The following PURG variants were observed in gnomAD, a reference collection of about 807,000 sequenced individuals.
PURG encodes purine-rich element-binding protein gamma.
PURG carries 3 observed loss-of-function variants against 24.3 expected under a neutral mutation model. The ratio of observed to expected loss-of-function variants is 0.12; its 90% CI spans 0.06 to 0.32. PURG has a LOEUF of 0.32. Ranked by LOEUF, PURG falls within the 10% of genes least tolerant of loss-of-function variation. The pLI, the probability that PURG is intolerant of heterozygous loss-of-function variation, is 1.00. For synonymous variants in PURG, 180 were observed against 173.1 expected (o/e 1.04, Z -0.31); for missense variants, 371 against 439.1 (o/e 0.84, Z 1.39).
At position 31,032,755 on chromosome 8, in the gene PURG, C is replaced by G. The variant is rs1238087918; in HGVS notation, c.28G>C (p.Gly10Arg). Reference protein sequence around the residue: MERARRRGGGGGRGRGGKNV... With the variant: MERARRRGGRGGRGRGGKNV... ...TTGCCTCCGCGGCCGCGGCCGCCGC[C>G]GCCTCCCCTTCGCCTGGCTCTTTCC... The change falls in exon 2 of 2, where the codon GGC (glycine) becomes CGC (arginine). Residue 10 changes from glycine (G) to arginine (R), a missense_variant. Around this residue, in one of 5 missense-constraint regions of PURG, gnomAD observed 213 missense variants for 230.6 expected, o/e 0.92. Coordinates refer to ENST00000523392, the MANE Select transcript of PURG (RefSeq NM_001323311.2). The surrounding 1 kb of genome is among the most constrained non-coding windows in gnomAD (Gnocchi z 5.9). 1 of 1,434,996 alleles carries G rather than the reference C, an allele frequency of 7.0e-7. No individual in the cohort carries two copies. 88.9% of individuals were successfully genotyped at this position (1,434,996 alleles called of 1,614,324 possible).
intron 1 of PURG, among the ~76,000 whole-genome samples, chr8:31,006,147 G>C (rs1276152986): frequency 6.6e-6 from 1 of 152,144 alleles, no homozygotes; most frequent in African/African-American, 2.4e-5. Context: ...AATAGCCAAT[G>C]AATTCCCAGT....
rs1398918512 is a variant in PURG, at chr8:31,031,672, G to A, written c.*67C>T. ...AAAAAGAGGAAAAACTTCTTCAAAG[G>A]ATAATGGATCAGTACTTTTAGCCAA... is the stretch of plus-strand genomic sequence containing the variant. On this transcript the variant is annotated 3_prime_UTR_variant, in exon 2 of 2. Transcript: ENST00000523392. The A allele has an allele frequency of 5.6e-6, 8 of 1,421,308 alleles. No homozygotes were observed. The highest frequency in any genetic ancestry group is 1.4e-5 in the African/African-American group (1 of 69,090). The allele number at this position is 1,421,308 out of a possible 1,614,324, so 88.0% of individuals were successfully genotyped here.
At chr8:30,999,953 A>T (rs936578516) in intron 1 of PURG, among the ~76,000 whole-genome samples, 1 of 144,408 alleles carries the variant, frequency 6.9e-6, no homozygotes, top group African/African-American at 2.6e-5. Flanking sequence ...CAATGTACAT[A>T]AGTCGTATGT....
At chr8:31,005,997 A>G (rs1050703821) in intron 1 of PURG, among the ~76,000 whole-genome samples, 13 of 152,072 alleles carry the variant, frequency 8.5e-5, no homozygotes, top group African/African-American at 3.1e-4. Flanking sequence ...TTGGTGCACA[A>G]TCAAGTGTAT....
intron 1 of PURG, among the ~76,000 whole-genome samples, chr8:31,011,792 C>A (rs1364021288): frequency 6.6e-6 from 1 of 152,138 alleles, no homozygotes; most frequent in Non-Finnish European, 1.5e-5. Context: ...GACCCTAGCA[C>A]AGAACCTGGC....
chr8:31,004,176 A>G (rs1439274288), intron 1 of PURG, among the ~76,000 whole-genome samples: 2 of 152,268 alleles, frequency 1.3e-5, no homozygotes, highest in African/African-American at 4.8e-5. Context: ...TTTCAAAAGA[A>G]GAAAAATGCA....
chr8:31,012,568 G>A (rs1290415243), intron 1 of PURG, among the ~76,000 whole-genome samples: 1 of 152,184 alleles, frequency 6.6e-6, no homozygotes, highest in Non-Finnish European at 1.5e-5. Context: ...AAGAAAATGA[G>A]AAAAGGCCAA....
chr8:31,013,991 T>G (rs1810809624), intron 1 of PURG, among the ~76,000 whole-genome samples: 1 of 152,174 alleles, frequency 6.6e-6, no homozygotes, highest in Non-Finnish European at 1.5e-5. Context: ...CACTAAATCT[T>G]TTCAACTCAA....
At chr8:30,997,546 C>T (rs746723757) in intron 1 of PURG, among the ~76,000 whole-genome samples, 2 of 151,524 alleles carry the variant, frequency 1.3e-5, no homozygotes, top group East Asian at 1.9e-4. Context: ...TGAAACTGCA[C>T]GTACATTTAG....
At chr8:31,017,276 C>T (rs1303434460) in intron 1 of PURG, among the ~76,000 whole-genome samples, 1 of 151,986 alleles carries the variant, frequency 6.6e-6, no homozygotes, top group African/African-American at 2.4e-5. Context: ...ACTACTTCTC[C>T]AGGGACAAGA....
intron 1 of PURG, among the ~76,000 whole-genome samples, chr8:31,016,774 A>G (rs533829556): frequency 1.5e-4 from 23 of 152,098 alleles, no homozygotes; most frequent in African/African-American, 5.1e-4. Context: ...TTTTTATTTA[A>G]TACACCTGCA....
downstream of PURG, among the ~76,000 whole-genome samples, chr8:31,028,093 A>G (rs2129845277): frequency 6.6e-6 from 1 of 151,918 alleles, no homozygotes; most frequent in Admixed American, 6.6e-5. Context: ...TTTTGTCTAG[A>G]CAAATTCCCC....
At chr8:31,019,962 G>C (rs1321174204) in intron 1 of PURG, among the ~76,000 whole-genome samples, 1 of 151,892 alleles carries the variant, frequency 6.6e-6, no homozygotes, top group Non-Finnish European at 1.5e-5. Flanking sequence ...CCTGAGGTCA[G>C]GAGTTCGAGA....
In PURG at chr8:31,031,521, A is replaced by C. The variant is rs1811202290; in HGVS notation, c.*218T>G. On this transcript the variant is annotated 3_prime_UTR_variant, in exon 2 of 2. Transcript: ENST00000523392. The stretch of plus-strand genomic sequence containing the variant: ...ATAGTCTGGAGCAGTTGAAGCAGCT[A>C]AACTATTTAGCTCTGGGAAGGTTGG... 7.1e-6 allele frequency: 4 copies of C among 563,936 alleles called. No homozygotes were observed. The highest frequency in any genetic ancestry group is 3.7e-5 in the African/African-American group (2 of 53,456). 34.9% of individuals were successfully genotyped at this position (563,936 alleles called of 1,614,324 possible).
At chr8:31,021,266 T>C (rs1301815427) in intron 1 of PURG, among the ~76,000 whole-genome samples, 1 of 152,234 alleles carries the variant, frequency 6.6e-6, no homozygotes, top group East Asian at 1.9e-4. Flanking sequence ...CAGTTGTTTT[T>C]GGTTCATGAA....
intron 1 of PURG, among the ~76,000 whole-genome samples, chr8:30,998,831 T>C (rs896096990): frequency 1.3e-5 from 2 of 151,834 alleles, no homozygotes; most frequent in Non-Finnish European, 3.0e-5. Context: ...CTGCTATCTT[T>C]ACATTTAAAA....
chr8:31,030,159 A>C (rs143420158), downstream of PURG, among the ~76,000 whole-genome samples: 19 of 152,126 alleles, frequency 1.2e-4, no homozygotes, highest in East Asian at 3.7e-3. Flanking sequence ...AAAACTCTGG[A>C]AGAAAAAAAT....
chr8:31,018,648 T>C (rs377591246), intron 1 of PURG, among the ~76,000 whole-genome samples: 1 of 152,336 alleles, frequency 6.6e-6, no homozygotes, highest in African/African-American at 2.4e-5. Context: ...ATCTCTGTTA[T>C]GTCAGCAGTT....
intron 1 of PURG, among the ~76,000 whole-genome samples, chr8:31,021,073 T>C (rs559012666): frequency 2.0e-5 from 3 of 152,198 alleles, no homozygotes; most frequent in African/African-American, 7.2e-5. Context: ...TTTATTGTAC[T>C]GGAATTAAGA....
Sources: allele counts gnomAD v4.1 joint callset (sites outside exome capture counted in the v4.1 genomes callset), GRCh38; gene constraint gnomAD v4.1.1; regional missense constraint gnomAD v4.1.1; non-coding constraint Gnocchi (gnomAD v3.1); transcripts MANE v1.5; gene names NCBI Gene and HGNC (gene_info 2026-07-23, HGNC 2026-07-21).